Variants in COL3A1 observed in about 807,000 individuals in gnomAD.
COL3A1 encodes collagen alpha-1(III) chain.
In COL3A1, 46 loss-of-function variants were observed where a neutral mutation model predicts 200.9. The observed-to-expected ratio is 0.23, with a 90% CI of 0.18 to 0.29. The LOEUF (loss-of-function observed/expected upper bound fraction) is 0.29. COL3A1 is among the 10% of genes least tolerant of loss of function. The pLI, the probability that COL3A1 is intolerant of heterozygous loss-of-function variation, is 1.00. For missense variants in COL3A1, 1,367 were observed against 1,917.6 expected, an observed-to-expected ratio of 0.71 and a Z score of 5.36; for synonymous variants, 650 against 628.0, an observed-to-expected ratio of 1.03 and a Z score of -0.52.
At chr2:189,009,886 CT>C (rs1469678359) in intron 48 of COL3A1, among the ~76,000 whole-genome samples, 2 of 152,084 alleles carry the variant, frequency 1.3e-5, no homozygotes, top group Non-Finnish European at 1.5e-5. Context: ...TAATAATCAT[CT>C]TTTTTTAAAG....
intron 50 of COL3A1, among the ~76,000 whole-genome samples, chr2:189,011,134 A>T (rs1400993283): frequency 6.6e-6 from 1 of 152,216 alleles, no homozygotes; most frequent in Non-Finnish European, 1.5e-5. Flanking sequence ...CATAATGCAA[A>T]CTTTATCAGA....
rs1688075632 is a variant in COL3A1, at chr2:188,986,934, CA to C, written c.448-124del. 8.9e-6 allele frequency: 7 copies of C among 783,530 alleles called. No individual in the cohort carries two copies. In the East Asian group the frequency reaches 1.8e-4, roughly 20 times the overall value. The allele number at this position is 783,530 out of a possible 1,614,324, so 48.5% of individuals were successfully genotyped here. A position where few individuals can be genotyped will look rare whatever the true frequency, so the allele number is the denominator to read the frequency against. On this transcript the variant is annotated intron_variant, in intron 4 of 50. Transcript: ENST00000304636. ...AACAAGATAATTAGTGAATACATAC[CA>C]CATCTTTTGGCACACAAAAACCTAT...
At chr2:189,010,934 TTTTAG>T (rs1427149463) in intron 50 of COL3A1, 44 bp downstream of exon 50, 1 of 1,612,002 alleles carries the variant, frequency 6.2e-7, no homozygotes, top group Non-Finnish European at 8.5e-7. Context: ...GCAGTCAGCA[TTTTAG>T]TTTAATCATG....
In COL3A1 at chr2:188,984,851, A is replaced by G. The variant is rs1688031065; in HGVS notation, c.171A>G (p.Ser57=). 6.2e-7 allele frequency: 1 copy of G among 1,613,160 alleles called. No homozygotes were observed. Among genetic ancestry groups the G allele is most frequent in the Non-Finnish European group, 8.5e-7 (1 of 1,179,430 alleles). ...CATGCCAAATATGTGTCTGTGACTC[A>G]GGATCCGTTCTCTGCGATGACATAA... is the stretch of plus-strand genomic sequence containing the variant. ...PEPCQICVCD[S]GSVLCDDIIC... is the part of the protein sequence containing the mutation. Residue 57 remains serine, a synonymous_variant, in exon 2 of 51, where the codon TCA becomes TCG. Coordinates refer to ENST00000304636, the MANE Select transcript of COL3A1 (RefSeq NM_000090.4).
chr2:188,995,278 C>T (rs1039779311), intron 21 of COL3A1, among the ~76,000 whole-genome samples, 179 bp downstream of exon 21: 5 of 152,192 alleles, frequency 3.3e-5, no homozygotes, highest in Admixed American at 2.6e-4. Flanking sequence ...ACTAAAGCCA[C>T]TTACTTACCC....
chr2:188,978,051 AAT>A, intron 1 of COL3A1: 1 of 405,392 alleles, frequency 2.5e-6, no homozygotes, highest in Non-Finnish European at 4.9e-6. Flanking sequence ...ATGCTCAGGT[AAT>A]AACAGAGCCT....
rs752325298 is a variant in COL3A1 at position 189,004,373 on chromosome 2, A to T, written c.2931+9A>T. 89 of 1,581,470 alleles carry T rather than the reference A, an allele frequency of 5.6e-5. No homozygotes were observed. Among genetic ancestry groups the T allele is most frequent in the South Asian group, 3.4e-4 (29 of 86,286 alleles). On this transcript the variant is annotated intron_variant, in intron 40 of 50. Transcript: ENST00000304636. ...GCCCTCAGGGTGTCAAGGTGAGTATAGTCATTTTCCACTACACTCTTCCTT... is the reference window on the plus strand; with the variant it reads ...GCCCTCAGGGTGTCAAGGTGAGTATTGTCATTTTCCACTACACTCTTCCTT...
intron 48 of COL3A1, 110 bp downstream of exon 48, chr2:189,009,331 CT>C (rs1688669546): frequency 1.5e-6 from 2 of 1,347,224 alleles, no homozygotes; most frequent in African/African-American, 2.9e-5. Context: ...TGAAATAGTA[CT>C]TTAAGAAAGT....
At chr2:189,007,446 T>C in intron 44 of COL3A1, 54 bp from the exon 45 acceptor site, 1 of 1,325,814 alleles carries the variant, frequency 7.5e-7, no homozygotes, top group Non-Finnish European at 1.0e-6. Context: ...TTCTATTTTA[T>C]TTTTCCAATA....
Position 189,003,310 on chromosome 2 carries a change from T to C in COL3A1, c.2554-101T>C, listed in dbSNP as rs1688511354. 3 of 1,029,782 alleles carry C rather than the reference T, an allele frequency of 2.9e-6. No homozygotes were observed. The South Asian group carries it at 4.0e-5, about 14-fold the overall frequency. 63.8% of individuals were successfully genotyped at this position (1,029,782 alleles called of 1,614,324 possible). On this transcript the variant is annotated intron_variant, in intron 36 of 50. Transcript: ENST00000304636. ...TCAGCACCAGCAATCTAAAAGTTATTTTAACCTCTTCATAGAGTTCCTGGT... is the reference window on the plus strand; with the variant it reads ...TCAGCACCAGCAATCTAAAAGTTATCTTAACCTCTTCATAGAGTTCCTGGT...
rs1159996240 is a variant in COL3A1 at position 189,010,680 on chromosome 2, T to C, written c.4044T>C (p.Asp1348=). ...FSYGNPELPE[D]VLDVHLAFLR... ...ACGGCAATCCTGAACTTCCTGAAGATGTCCTTGATGTGCATCTGGCATTCC... is the reference window on the plus strand; with the variant it reads ...ACGGCAATCCTGAACTTCCTGAAGACGTCCTTGATGTGCATCTGGCATTCC... The change falls in exon 50 of 51, where the codon GAT becomes GAC. Residue 1348 remains aspartate (D), a synonymous_variant. Transcript: ENST00000304636. 6 of 1,614,186 alleles carry C rather than the reference T, an allele frequency of 3.7e-6. No homozygotes were observed. Among genetic ancestry groups the C allele is most frequent in the Non-Finnish European group, 5.1e-6 (6 of 1,179,994 alleles).
rs780717993 is a variant in COL3A1 at position 189,010,828 on chromosome 2, G to A, written c.4192G>A (p.Gly1398Ser). The change falls in exon 50 of 51, where the codon GGT (glycine) becomes AGT (serine). Residue 1398 changes from glycine to serine, a missense_variant. This residue lies in a region of COL3A1 where 846 missense variants were observed against 1,147.9 expected (regional missense o/e 0.74). Transcript: ENST00000304636. ...CCTGAAGCTGATGGGGTCAAATGAA[G>A]GTGAATTCAAGGCTGAAGGAAATAG... Reference protein sequence around the residue: ...KALKLMGSNEGEFKAEGNSKF... With the variant: ...KALKLMGSNESEFKAEGNSKF... 1 of 1,614,144 alleles carries A rather than the reference G, an allele frequency of 6.2e-7. No individual in the cohort carries two copies. The highest frequency in any genetic ancestry group is 8.5e-7 in the Non-Finnish European group (1 of 1,180,010).
intron 1 of COL3A1, among the ~76,000 whole-genome samples, chr2:188,976,293 G>C (rs7593762): frequency 6.6e-6 from 1 of 151,982 alleles, no homozygotes; most frequent in Non-Finnish European, 1.5e-5. Context: ...TAGTGGGGGG[G>C]TGTTTGCCAC....
At chr2:189,005,570 C>T in intron 41 of COL3A1, 113 bp downstream of exon 41, 1 of 821,850 alleles carries the variant, frequency 1.2e-6, no homozygotes, top group South Asian at 1.4e-5. Context: ...TAGCAAAGTT[C>T]TTCTATCTCT....
chr2:188,998,233 G>C (rs767352318), intron 27 of COL3A1, 33 bp from the exon 28 acceptor site: 5 of 1,590,730 alleles, frequency 3.1e-6, no homozygotes, highest in Admixed American at 1.7e-5. Flanking sequence ...CATGTTTGAG[G>C]TAATTACCTA....
intron 39 of COL3A1, 40 bp downstream of exon 39, chr2:189,004,183 G>A (rs768073474): frequency 2.5e-6 from 4 of 1,612,014 alleles, no homozygotes; most frequent in African/African-American, 1.3e-5. Flanking sequence ...CTACTATTTT[G>A]ATTTTTATCA....
intron 32 of COL3A1, 22 bp downstream of exon 32, chr2:188,999,917 A>G (rs546633187): frequency 2.5e-5 from 40 of 1,576,960 alleles, no homozygotes; most frequent in Admixed American, 5.7e-5. Context: ...CAGTGAGGAG[A>G]AGCAGGCCTT....
chr2:188,979,570 T>A (rs1260501395), intron 1 of COL3A1, among the ~76,000 whole-genome samples: 2 of 151,760 alleles, frequency 1.3e-5, no homozygotes, highest in African/African-American at 4.8e-5. Flanking sequence ...TTTAGAGATA[T>A]AACCCTTCTT....
Position 189,010,635 on chromosome 2 carries a change from T to C in COL3A1, c.4012-13T>C, listed in dbSNP as rs1688702104. 1.9e-6 allele frequency: 3 copies of C among 1,614,140 alleles called. No individual in the cohort carries two copies. The highest frequency in any genetic ancestry group is 2.2e-5 in the South Asian group (2 of 91,086). ...TGAAATGTTTGATCTGTTTTATTTGTTCCCTATTACAGTTTAGCTACGGCA... is the reference window on the plus strand; with the variant it reads ...TGAAATGTTTGATCTGTTTTATTTGCTCCCTATTACAGTTTAGCTACGGCA... On this transcript the variant is annotated splice_polypyrimidine_tract_variant and intron_variant, in intron 49 of 50. Coordinates refer to ENST00000304636, the MANE Select transcript of COL3A1 (RefSeq NM_000090.4).
Sources: allele counts gnomAD v4.1 joint callset (sites outside exome capture counted in the v4.1 genomes callset), GRCh38; gene constraint gnomAD v4.1.1; regional missense constraint gnomAD v4.1.1; transcripts MANE v1.5; gene names NCBI Gene and HGNC (gene_info 2026-07-23, HGNC 2026-07-21).